SPAG17: variants seen among roughly 807,000 people sequenced by gnomAD.
SPAG17 encodes the protein sperm-associated antigen 17.
In SPAG17, 169 loss-of-function variants were observed where a neutral mutation model predicts 273.6. That is an observed-to-expected ratio of 0.62 (90% CI 0.55 to 0.70). SPAG17 has a LOEUF of 0.70. Ranked by LOEUF, SPAG17 falls within the 30% of genes least tolerant of loss-of-function variation. SPAG17 has a pLI of 0.00. For synonymous variants in SPAG17, 825 were observed against 873.2 expected, an observed-to-expected ratio of 0.94 and a Z score of 0.97; for missense variants, 2,557 against 2,627.8, an observed-to-expected ratio of 0.97 and a Z score of 0.59.
At chr1:118,019,899 T>G (rs1030900731) in intron 28 of SPAG17, among the ~76,000 whole-genome samples, 2 of 152,180 alleles carry the variant, frequency 1.3e-5, no homozygotes, top group African/African-American at 4.8e-5. Context: ...AAAGACATTT[T>G]TAGAAATTAT....
intron 3 of SPAG17, chr1:118,150,334 ATTGTAT>A: frequency 2.7e-6 from 1 of 366,906 alleles, no homozygotes; most frequent in Non-Finnish European, 5.0e-6. Context: ...GATCTAGGAA[ATTGTAT>A]TTGTAAAGGG....
At chr1:118,089,109 A>G (rs1309764773) in intron 10 of SPAG17, among the ~76,000 whole-genome samples, 1 of 152,160 alleles carries the variant, frequency 6.6e-6, no homozygotes, top group Non-Finnish European at 1.5e-5. Context: ...AAAGCTGTTG[A>G]TAAGAAAATA....
At chr1:118,083,118 C>T (rs561655160) in intron 13 of SPAG17, among the ~76,000 whole-genome samples, 29 of 152,244 alleles carry the variant, frequency 1.9e-4, no homozygotes, top group African/African-American at 6.3e-4. Flanking sequence ...CCACCACACC[C>T]GGCTAATTTT....
intron 24 of SPAG17, among the ~76,000 whole-genome samples, chr1:118,035,166 C>A (rs759457909): frequency 6.6e-6 from 1 of 151,928 alleles, no homozygotes; most frequent in African/African-American, 2.4e-5. Context: ...AAGACTTATA[C>A]CTTCAACTTT....
At position 118,025,360 on chromosome 1, in the gene SPAG17, G is replaced by A; in HGVS notation, c.3787C>T (p.Pro1263Ser). ...TWDIMVRQSY[P>S]QRVKHYEFYK... ...AACTCATAGTGCTTCACCCTCTGGG[G>A]GTAGCTCTGACGGACCATGATGTCC... The change falls in exon 27 of 49, where the codon CCC becomes TCC. Residue 1263 changes from proline to serine, a missense_variant. Pro to Ser is a moderately conservative substitution (Grantham distance 74, BLOSUM62 -1). Transcript: ENST00000336338. 1 of 1,610,918 alleles carries A rather than the reference G, an allele frequency of 6.2e-7. No homozygotes were observed. Among genetic ancestry groups the A allele is most frequent in the Non-Finnish European group, 8.5e-7 (1 of 1,178,774 alleles).
In SPAG17 at chr1:117,984,738, T is replaced by C. The variant is rs1475827758; in HGVS notation, c.5714A>G (p.Asn1905Ser). Reference protein sequence around the residue: ...TTQNYLMDIKNRIIPPFFKSE... With the variant: ...TTQNYLMDIKSRIIPPFFKSE... ...TTTAAAAAAGGGTGGTATTATGCGG[T>C]TCTTAATATCCATTAGGTAATTCTG... Residue 1905 changes from asparagine (N) to serine (S), a missense_variant, in exon 41 of 49, where the codon AAC (asparagine) becomes AGC (serine). Asn to Ser is a conservative substitution (Grantham distance 46). Transcript: ENST00000336338. 6.2e-7 allele frequency: 1 copy of C among 1,611,824 alleles called. No homozygotes were observed.
Position 118,056,278 on chromosome 1 carries a change from T to C in SPAG17, c.2541-364A>G, listed in dbSNP as rs190556646. Reference sequence around the variant, plus strand: ...AGATGATCACTTTCACCACTGTTAGTTGGAGAATAATACAATGCAATCTCT... The same window carrying C: ...AGATGATCACTTTCACCACTGTTAGCTGGAGAATAATACAATGCAATCTCT... On this transcript the variant is annotated intron_variant, in intron 18 of 48. Coordinates refer to ENST00000336338, the MANE Select transcript of SPAG17 (RefSeq NM_206996.4). Among the ~76,000 whole-genome samples the C allele has an allele frequency of 5.3e-3, 809 of 152,316 alleles. 7 individuals are homozygous for C. Among genetic ancestry groups the C allele is most frequent in the Non-Finnish European group, 6.9e-3 (471 of 68,010 alleles).
intron 8 of SPAG17, 37 bp downstream of exon 8, chr1:118,093,118 AT>A: frequency 6.4e-7 from 1 of 1,569,524 alleles, no homozygotes; most frequent in Non-Finnish European, 8.6e-7. Context: ...TGTTCAGTGA[AT>A]CATTCATCCC....
intron 48 of SPAG17, chr1:117,954,958 T>C (rs537008792): frequency 5.2e-6 from 2 of 385,390 alleles, no homozygotes; most frequent in Non-Finnish European, 9.2e-6. Flanking sequence ...TTGACAGAAA[T>C]CAGTCTGATG....
At chr1:118,066,713 A>G (rs749742915) in intron 18 of SPAG17, 32 bp downstream of exon 18, 3 of 1,589,194 alleles carry the variant, frequency 1.9e-6, no homozygotes, top group Non-Finnish European at 2.6e-6. Context: ...AAACCCAACT[A>G]ACTAATTAAC....
At chr1:118,155,578 T>A (rs896041361) in intron 1 of SPAG17, among the ~76,000 whole-genome samples, 9 of 152,160 alleles carry the variant, frequency 5.9e-5, no homozygotes, top group Admixed American at 1.3e-4. Context: ...GATGAGAGTC[T>A]CACAGTCCTA....
intron 15 of SPAG17, among the ~76,000 whole-genome samples, chr1:118,077,792 A>T (rs77132793): frequency 2.9e-3 from 436 of 152,270 alleles, no homozygotes; most frequent in African/African-American, 0.01. Context: ...AAAGGCAACA[A>T]AATCAGCATA....
intron 47 of SPAG17, chr1:117,965,960 C>A (rs947529210): frequency 6.6e-6 from 1 of 152,096 alleles, no homozygotes; most frequent in Non-Finnish European, 1.5e-5. Flanking sequence ...TTAAAGTTCC[C>A]GTCAATCAAG....
intron 3 of SPAG17, among the ~76,000 whole-genome samples, chr1:118,135,421 G>A (rs1461112004): frequency 6.6e-6 from 1 of 150,948 alleles, no homozygotes; most frequent in African/African-American, 2.4e-5. Flanking sequence ...ATGTGTGTGT[G>A]TGTGTGTGTG....
intron 1 of SPAG17, among the ~76,000 whole-genome samples, chr1:118,173,201 G>A (rs1660498900): frequency 6.6e-6 from 1 of 151,630 alleles, no homozygotes; most frequent in African/African-American, 2.4e-5. Context: ...TCTAACAAAT[G>A]AATGACCAAT....
rs529435092 is a variant in SPAG17, at chr1:118,032,685, G to A, written c.3434-818C>T. ...CCTCGGCTCACTGCAACCTCCTCCC[G>A]GGTTCAAGTGATTCTTGTGCCTCGG... On this transcript the variant is annotated intron_variant, in intron 24 of 48. Coordinates refer to ENST00000336338, the MANE Select transcript of SPAG17 (RefSeq NM_206996.4). 5.3e-5 allele frequency among the ~76,000 whole-genome samples: 8 copies of A among 151,978 alleles called. No homozygotes were observed. The South Asian group carries it at 8.3e-4, about 16-fold the overall frequency.
chr1:118,099,290 T>A (rs1304377494), intron 6 of SPAG17, among the ~76,000 whole-genome samples: 1 of 152,136 alleles, frequency 6.6e-6, no homozygotes, highest in Non-Finnish European at 1.5e-5. Flanking sequence ...ATCCAGCGCA[T>A]CCTTTAGGTA....
chr1:118,032,898 C>T (rs1406744950), intron 24 of SPAG17, among the ~76,000 whole-genome samples: 1 of 152,092 alleles, frequency 6.6e-6, no homozygotes, highest in African/African-American at 2.4e-5. Flanking sequence ...CAGCCAATCC[C>T]CTAAATGTTT....
At position 117,981,296 on chromosome 1, in the gene SPAG17, G is replaced by C. The variant is rs151073125; in HGVS notation, c.5978C>G (p.Thr1993Ser). ...DKKDFTAQNQ[T>S]ENLTKSPEEA... is the part of the protein sequence containing the mutation. ...TTCAGGAGATTTTGTTAAATTTTCA[G>C]TTTGGTTCTGAGCAGTGAAATCCTT... The change falls in exon 43 of 49, where the codon ACT (threonine) becomes AGT (serine). Residue 1993 changes from threonine (T) to serine (S), a missense_variant. Physicochemically the swap from Thr to Ser is moderately conservative, Grantham distance 58. Transcript: ENST00000336338. 1.9e-6 allele frequency: 3 copies of C among 1,577,318 alleles called. No homozygotes were observed. The highest frequency in any genetic ancestry group is 2.8e-5 in the African/African-American group (2 of 72,204).
Sources: allele counts gnomAD v4.1 joint callset (sites outside exome capture counted in the v4.1 genomes callset), GRCh38; gene constraint gnomAD v4.1.1; transcripts MANE v1.5; gene names NCBI Gene and HGNC (gene_info 2026-07-23, HGNC 2026-07-21).